Variants in TSHZ2 observed in about 807,000 individuals in gnomAD.
TSHZ2 encodes the protein teashirt zinc finger homeobox 2.
TSHZ2 carries 21 observed loss-of-function variants against 74.4 expected under a neutral mutation model. The ratio of observed to expected loss-of-function variants is 0.28; its 90% CI spans 0.20 to 0.41. TSHZ2 has a LOEUF of 0.41. TSHZ2 is among the 10% of genes least tolerant of loss of function. TSHZ2 has a pLI of 1.00. For synonymous variants in TSHZ2, 540 were observed against 515.3 expected, an observed-to-expected ratio of 1.05 and a Z score of -0.65; for missense variants, 1,244 against 1,293.5, an observed-to-expected ratio of 0.96 and a Z score of 0.59.
intron 2 of TSHZ2, among the ~76,000 whole-genome samples, chr20:53,373,962 TTTATGTTTTACAAAAA>T (rs1002495029): frequency 2.0e-5 from 3 of 152,290 alleles, no homozygotes. Context: ...ATAGGAAGCT[TTTATGTTTTACAAAAA>T]CCTATTTATT....
At chr20:53,408,757 C>T (rs1982937222) in intron 2 of TSHZ2, among the ~76,000 whole-genome samples, 1 of 152,216 alleles carries the variant, frequency 6.6e-6, no homozygotes, top group South Asian at 2.1e-4. Context: ...AACCTGACTG[C>T]CTGATACAAC....
intron 1 of TSHZ2, among the ~76,000 whole-genome samples, chr20:53,243,913 C>G (rs2123700190): frequency 6.6e-6 from 1 of 150,882 alleles, no homozygotes; most frequent in South Asian, 2.1e-4. Context: ...TTTGTCCATT[C>G]TTGGCTAATG....
At chr20:53,435,769 TTCCAAAG>T (rs1679817432) in intron 2 of TSHZ2, among the ~76,000 whole-genome samples, 1 of 152,240 alleles carries the variant, frequency 6.6e-6, no homozygotes, top group African/African-American at 2.4e-5. Flanking sequence ...CACCTCAGCC[TTCCAAAG>T]TGCTGGGATT....
At chr20:53,119,705 A>G (rs1986760534) in intron 1 of TSHZ2, among the ~76,000 whole-genome samples, 1 of 152,350 alleles carries the variant, frequency 6.6e-6, no homozygotes, top group South Asian at 2.1e-4. Context: ...AGTTAAATAA[A>G]CTGCATTTTT....
intron 1 of TSHZ2, among the ~76,000 whole-genome samples, chr20:53,001,897 C>T (rs1317223301): frequency 6.6e-6 from 1 of 152,176 alleles, no homozygotes; most frequent in Admixed American, 6.5e-5. Context: ...GATGATATTT[C>T]ACTGCTTTGA....
At chr20:53,073,507 A>G (rs948117822) in intron 1 of TSHZ2, among the ~76,000 whole-genome samples, 2 of 152,248 alleles carry the variant, frequency 1.3e-5, no homozygotes, top group African/African-American at 2.4e-5. Flanking sequence ...CATCTGAAAT[A>G]TAATTAACTG....
intron 1 of TSHZ2, among the ~76,000 whole-genome samples, chr20:53,220,978 C>T (rs1275901229): frequency 6.6e-6 from 1 of 152,156 alleles, no homozygotes; most frequent in Non-Finnish European, 1.5e-5. Context: ...TTGGCTGTGT[C>T]CCCACCCAAT....
chr20:53,214,753 A>G (rs960514700), intron 1 of TSHZ2, among the ~76,000 whole-genome samples: 8 of 152,178 alleles, frequency 5.3e-5, no homozygotes, highest in South Asian at 2.1e-4. Flanking sequence ...GAGCAGAGAA[A>G]GGAATGAAGC....
chr20:53,243,589 G>A (rs966259810), intron 1 of TSHZ2, among the ~76,000 whole-genome samples: 3 of 152,176 alleles, frequency 2.0e-5, no homozygotes, highest in African/African-American at 7.2e-5. Flanking sequence ...CCAACATGAA[G>A]AAGAGGGTTG....
chr20:53,289,168 G>A (rs1217556370), intron 2 of TSHZ2, among the ~76,000 whole-genome samples: 1 of 145,260 alleles, frequency 6.9e-6, no homozygotes, highest in Non-Finnish European at 1.6e-5. Context: ...TGGCTGAGTA[G>A]TATTCAGTGG....
intron 1 of TSHZ2, among the ~76,000 whole-genome samples, chr20:53,163,916 AT>A (rs1988006482): frequency 1.3e-5 from 2 of 152,284 alleles, no homozygotes; most frequent in African/African-American, 2.4e-5. Context: ...AACTAATATA[AT>A]TTTTTATTCT....
At chr20:53,396,094 C>T (rs895124854) in intron 2 of TSHZ2, among the ~76,000 whole-genome samples, 6 of 151,890 alleles carry the variant, frequency 4.0e-5, no homozygotes, top group African/African-American at 1.5e-4. Context: ...TGCCACCACG[C>T]CTGGCTAATT....
chr20:53,130,230 TA>T (rs11475485), intron 1 of TSHZ2, among the ~76,000 whole-genome samples: 97,792 of 148,526 alleles, frequency 0.66, 32,626 homozygotes, highest in East Asian at 0.84. Context: ...AGCTAAAATT[TA>T]AAAAAAAAAA....
chr20:53,101,908 A>G (rs138352522), intron 1 of TSHZ2, among the ~76,000 whole-genome samples: 19 of 152,316 alleles, frequency 1.2e-4, no homozygotes, highest in Non-Finnish European at 2.2e-4. Flanking sequence ...ATCACATTTT[A>G]TTTCCAACTT....
intron 1 of TSHZ2, among the ~76,000 whole-genome samples, chr20:53,149,751 A>G (rs1987631369): frequency 6.6e-6 from 1 of 152,230 alleles, no homozygotes; most frequent in African/African-American, 2.4e-5. Context: ...CTATTTGAAC[A>G]AAAGCAGAGG....
intron 1 of TSHZ2, among the ~76,000 whole-genome samples, chr20:53,216,567 C>A (rs751757461): frequency 6.6e-6 from 1 of 152,232 alleles, no homozygotes; most frequent in Admixed American, 6.5e-5. Context: ...CAGCCAGGAA[C>A]ATTTTCTGGT....
intron 1 of TSHZ2, among the ~76,000 whole-genome samples, chr20:53,079,387 A>C (rs1332400730): frequency 3.3e-5 from 5 of 152,366 alleles, no homozygotes; most frequent in East Asian, 1.9e-4. Context: ...GTTGCCAGAC[A>C]GTGGTTAACG....
intron 2 of TSHZ2, among the ~76,000 whole-genome samples, chr20:53,283,656 A>G (rs1296788993): frequency 6.6e-6 from 1 of 152,202 alleles, no homozygotes; most frequent in Non-Finnish European, 1.5e-5. Flanking sequence ...TGGGTTTAGT[A>G]CTTCTTTGTT....
chr20:53,422,635 A>C (rs957132066), intron 2 of TSHZ2, among the ~76,000 whole-genome samples: 1 of 151,742 alleles, frequency 6.6e-6, no homozygotes, highest in Admixed American at 6.6e-5. Flanking sequence ...CCACAAACAC[A>C]CCCGCCGGCC....
Sources: allele counts gnomAD v4.1 joint callset (sites outside exome capture counted in the v4.1 genomes callset), GRCh38; gene constraint gnomAD v4.1.1; transcripts MANE v1.5; gene names NCBI Gene and HGNC (gene_info 2026-07-23, HGNC 2026-07-21).